The following ZNF718 variants were observed in gnomAD, a reference collection of about 807,000 sequenced individuals.
ZNF718 encodes the protein zinc finger protein 718.
A neutral mutation model predicts 2.6 loss-of-function variants in ZNF718; 3 were observed. The observed-to-expected ratio is 1.16, with a 90% CI of 0.53 to 3.01. The LOEUF (loss-of-function observed/expected upper bound fraction) is 3.01, where lower values mean the gene tolerates loss of function less well. ZNF718 is among the 30% of genes most tolerant of loss of function. The pLI, the probability that ZNF718 is intolerant of heterozygous loss-of-function variation, is 0.03. For missense variants in ZNF718, 468 were observed against 230.0 expected (o/e 2.03, Z -6.69); for synonymous variants, 135 against 77.9 (o/e 1.73, Z -3.86).
At chr4:133,930 T>G (rs1258891356) in intron 3 of ZNF718, among the ~76,000 whole-genome samples, 1 of 152,230 alleles carries the variant, frequency 6.6e-6, no homozygotes, top group Non-Finnish European at 1.5e-5. Flanking sequence ...GTAAGAACAC[T>G]TAAGGTCTAC....
At chr4:180,694 ACACT>A (rs1375693879) in intron 3 of ZNF718, among the ~76,000 whole-genome samples, 3 of 152,220 alleles carry the variant, frequency 2.0e-5, no homozygotes, top group African/African-American at 7.2e-5. Flanking sequence ...TTCTGGAAAC[ACACT>A]CTAGTTGGGT....
At chr4:199,698 A>C (rs1288851628) in intron 3 of ZNF718, among the ~76,000 whole-genome samples, 1 of 152,242 alleles carries the variant, frequency 6.6e-6, no homozygotes, top group African/African-American at 2.4e-5. Context: ...TAAATGGCTG[A>C]TGCAGGATAA....
intron 3 of ZNF718, among the ~76,000 whole-genome samples, 189 bp downstream of exon 3, chr4:131,694 G>A (rs1287653646): frequency 9.6e-6 from 1 of 103,712 alleles, no homozygotes; most frequent in Non-Finnish European, 2.1e-5. Context: ...CCAACATAGT[G>A]AAACCCCGTC....
Position 163,571 on chromosome 4 carries a change from A to G in ZNF718, c.*1449A>G, listed in dbSNP as rs185095347. The stretch of plus-strand genomic sequence containing the variant: ...TATCATTGCATGATGCATGACGTAC[A>G]TGTTCAGAGTAATATTCTTCTGCAT... On this transcript the variant is annotated 3_prime_UTR_variant, in exon 4 of 4. Transcript: ENST00000510175. The G allele has an allele frequency of 2.6e-5, 4 of 152,298 alleles. No individual in the cohort carries two copies. Among genetic ancestry groups the G allele is most frequent in the Admixed American group, 2.6e-4 (4 of 15,294 alleles). The allele number at this position is 152,298 out of a possible 1,614,324, so 9.4% of individuals were successfully genotyped here.
chr4:137,583 T>A (rs1424158122), intron 3 of ZNF718, among the ~76,000 whole-genome samples: 1 of 152,220 alleles, frequency 6.6e-6, no homozygotes, highest in Admixed American at 6.5e-5. Flanking sequence ...GGTTTTGCTT[T>A]ACATTTTTCT....
chr4:124,753 C>T (rs1715116267), intron 1 of ZNF718, 80 bp downstream of exon 1: 1 of 1,571,724 alleles, frequency 6.4e-7, no homozygotes, highest in Non-Finnish European at 8.6e-7. Flanking sequence ...TGGGAGGAGT[C>T]TGTGAATGGA....
chr4:194,283 C>A (rs1184456639), intron 3 of ZNF718, among the ~76,000 whole-genome samples: 1 of 152,316 alleles, frequency 6.6e-6, no homozygotes, highest in Admixed American at 6.5e-5. Flanking sequence ...CAATGCCTCC[C>A]TTAGTCTCTC....
chr4:166,740 T>A (rs1191184634), downstream of ZNF718, among the ~76,000 whole-genome samples: 2 of 152,216 alleles, frequency 1.3e-5, no homozygotes, highest in Non-Finnish European at 2.9e-5. Flanking sequence ...CTTTGTAGAT[T>A]CTGGATATTA....
At chr4:178,518 A>G (rs1282383428) in intron 3 of ZNF718, among the ~76,000 whole-genome samples, 1 of 152,154 alleles carries the variant, frequency 6.6e-6, no homozygotes, top group Non-Finnish European at 1.5e-5. Flanking sequence ...CCAACAGTGC[A>G]TGGGGGTTCC....
At chr4:169,731 G>C (rs61794963) in intron 3 of ZNF718, among the ~76,000 whole-genome samples, 30,179 of 151,808 alleles carry the variant, frequency 0.2, 3,186 homozygotes, top group Admixed American at 0.27. Flanking sequence ...TATTTTGAGC[G>C]TATGTGTGCC....
At chr4:160,865 A>T in intron 3 of ZNF718, 47 bp from the exon 4 acceptor site, 1 of 711,776 alleles carries the variant, frequency 1.4e-6, no homozygotes, top group Non-Finnish European at 2.6e-6. Flanking sequence ...AAGTATATTT[A>T]TATGAATCTA....
At chr4:185,940 C>G (rs1225252891) in intron 3 of ZNF718, among the ~76,000 whole-genome samples, 1 of 152,022 alleles carries the variant, frequency 6.6e-6, no homozygotes, top group Non-Finnish European at 1.5e-5. Context: ...GTTCTTTGTA[C>G]TTTATTCAGC....
chr4:143,835 A>G (rs1225683549), intron 3 of ZNF718, among the ~76,000 whole-genome samples: 1 of 152,122 alleles, frequency 6.6e-6, no homozygotes, highest in African/African-American at 2.4e-5. Context: ...GAACAGGGCG[A>G]GAGTACTGTG....
At chr4:145,754 A>G (rs1553811141) in intron 3 of ZNF718, among the ~76,000 whole-genome samples, 2 of 152,072 alleles carry the variant, frequency 1.3e-5, no homozygotes, top group Non-Finnish European at 2.9e-5. Flanking sequence ...CATCACACCC[A>G]GTGCTTCTTT....
chr4:199,122 GCTC>G (rs1465661509), intron 3 of ZNF718, among the ~76,000 whole-genome samples: 2 of 152,154 alleles, frequency 1.3e-5, no homozygotes, highest in Admixed American at 6.5e-5. Context: ...TTAGATCCTG[GCTC>G]CTCTACTCTG....
intron 3 of ZNF718, among the ~76,000 whole-genome samples, chr4:138,454 ATGG>A (rs1560110747): frequency 1.3e-5 from 2 of 152,074 alleles, no homozygotes; most frequent in Non-Finnish European, 2.9e-5. Context: ...GTTGAAGATG[ATGG>A]GATCTTGTTC....
intron 3 of ZNF718, among the ~76,000 whole-genome samples, chr4:140,647 G>T (rs1553810123): frequency 1.3e-5 from 2 of 152,076 alleles, no homozygotes; most frequent in African/African-American, 4.8e-5. Flanking sequence ...TTATCTACTG[G>T]GGCAAAGTAA....
intron 3 of ZNF718, among the ~76,000 whole-genome samples, chr4:137,123 G>C (rs1276243345): frequency 6.6e-6 from 1 of 152,118 alleles, no homozygotes; most frequent in Non-Finnish European, 1.5e-5. Flanking sequence ...TATGTGAGGT[G>C]ACTCACTCTT....
At chr4:187,612 C>T (rs1267837102) in intron 3 of ZNF718, among the ~76,000 whole-genome samples, 3 of 152,164 alleles carry the variant, frequency 2.0e-5, no homozygotes, top group African/African-American at 7.2e-5. Flanking sequence ...ATGCACATTC[C>T]TCTGGGGTCT....
Sources: gnomAD v4.1 joint callset for allele counts (sites outside exome capture counted in the v4.1 genomes callset) on GRCh38, gnomAD v4.1.1 for gene constraint, MANE v1.5 for transcripts, NCBI Gene and HGNC (gene_info 2026-07-23, HGNC 2026-07-21) for gene names.